TIAM1: variants seen among roughly 807,000 people sequenced by gnomAD.
TIAM1 encodes the protein TIAM Rac1 associated GEF 1, also known as rho guanine nucleotide exchange factor TIAM1.
In TIAM1, 65 loss-of-function variants were observed where a neutral mutation model predicts 163.5. The ratio of observed to expected loss-of-function variants is 0.40; its 90% confidence interval spans 0.33 to 0.49. TIAM1 has a LOEUF of 0.49. Among genes scored for constraint, TIAM1 ranks in the 20% least tolerant of loss-of-function variants. TIAM1 has a pLI of 0.77. For missense variants in TIAM1, 1,789 were observed against 2,044.7 expected, an observed-to-expected ratio of 0.87 and a Z score of 2.41; for synonymous variants, 833 against 810.1, an observed-to-expected ratio of 1.03 and a Z score of -0.48.
intron 2 of TIAM1, among the ~76,000 whole-genome samples, chr21:31,310,689 G>A (rs1046682110): frequency 6.6e-6 from 1 of 152,122 alleles, no homozygotes; most frequent in African/African-American, 2.4e-5. Flanking sequence ...GATGGAAAAC[G>A]CTACCTACTG....
chr21:31,209,324 T>C (rs181311821), intron 11 of TIAM1, among the ~76,000 whole-genome samples: 246 of 152,330 alleles, frequency 1.6e-3, no homozygotes, highest in African/African-American at 5.4e-3. Context: ...AGTTCTTCTT[T>C]CCTCTCTCTC....
chr21:31,406,073 C>T (rs530748935), intron 2 of TIAM1, among the ~76,000 whole-genome samples: 1 of 151,904 alleles, frequency 6.6e-6, no homozygotes, highest in African/African-American at 2.4e-5. Context: ...GATACACAAA[C>T]GTGCAAGCCC....
At chr21:31,349,518 A>G (rs1184298292) in intron 2 of TIAM1, among the ~76,000 whole-genome samples, 1 of 152,202 alleles carries the variant, frequency 6.6e-6, no homozygotes, top group Non-Finnish European at 1.5e-5. Context: ...AGTTTTTCCT[A>G]GTTTGGGACC....
chr21:31,174,636 T>C (rs982454981), intron 15 of TIAM1, among the ~76,000 whole-genome samples: 2 of 152,212 alleles, frequency 1.3e-5, no homozygotes, highest in African/African-American at 4.8e-5. Context: ...TTTTTAAAAT[T>C]GTTACCTTTT....
intron 1 of TIAM1, among the ~76,000 whole-genome samples, chr21:31,495,486 A>G (rs2046609155): frequency 1.3e-5 from 2 of 152,188 alleles, no homozygotes; most frequent in South Asian, 2.1e-4. Context: ...CATTCACGAC[A>G]GAGGAGCCTC....
At chr21:31,517,629 G>A (rs1401761801) in intron 1 of TIAM1, among the ~76,000 whole-genome samples, 1 of 152,142 alleles carries the variant, frequency 6.6e-6, no homozygotes, top group Non-Finnish European at 1.5e-5. Flanking sequence ...TACCATGGTA[G>A]AATATGAAAC....
At chr21:31,544,081 G>T (rs1037410650) in intron 1 of TIAM1, among the ~76,000 whole-genome samples, 5 of 152,104 alleles carry the variant, frequency 3.3e-5, no homozygotes, top group Non-Finnish European at 7.3e-5. Flanking sequence ...ATGGTGGCAA[G>T]TGCCTGTAAT....
intron 2 of TIAM1, among the ~76,000 whole-genome samples, chr21:31,320,772 T>TC (rs2075284407): frequency 1.3e-5 from 2 of 152,190 alleles, no homozygotes; most frequent in African/African-American, 4.8e-5. Flanking sequence ...AGCAGGCGGA[T>TC]CACTTGATGC....
At chr21:31,369,515 T>C (rs1281018363) in intron 2 of TIAM1, among the ~76,000 whole-genome samples, 1 of 152,180 alleles carries the variant, frequency 6.6e-6, no homozygotes, top group Non-Finnish European at 1.5e-5. Context: ...GTGACTACAG[T>C]TAACAATAAT....
chr21:31,377,033 C>CTTTTTTTTTTTTT, intron 2 of TIAM1, among the ~76,000 whole-genome samples: 1 of 80,950 alleles, frequency 1.2e-5, no homozygotes, highest in Non-Finnish European at 2.3e-5. Context: ...TCATTTTTGT[C>CTTTTTTTTTTTTT]TTTTTTTTTT....
chr21:31,118,690 A>G lies in TIAM1; in HGVS notation c.*1678T>C. On this transcript the variant is annotated 3_prime_UTR_variant, in exon 28 of 28. Coordinates refer to ENST00000541036, the MANE Select transcript of TIAM1 (RefSeq NM_001353694.2). ...TTCCATCTGGACGCGATCGAACCGG[A>G]GATGATATGGAAAAATGCAGTGATA... The G allele has an allele frequency of 2.1e-6, 1 of 469,370 alleles. No homozygotes were observed. The highest frequency in any genetic ancestry group is 4.4e-6 in the Non-Finnish European group (1 of 226,616). 29.1% of individuals were successfully genotyped at this position (469,370 alleles called of 1,614,324 possible). A position where few individuals can be genotyped will look rare whatever the true frequency, so the allele number is the denominator to read the frequency against.
chr21:31,152,620 G>A lies in TIAM1; in HGVS notation c.3366+16C>T, dbSNP rs2083434176. 1.2e-6 allele frequency: 2 copies of A among 1,613,660 alleles called. No individual in the cohort carries two copies. The highest frequency in any genetic ancestry group is 2.2e-5 in the South Asian group (2 of 90,984). ...CACTATAGCCCTGACGCTGGAGGCA[G>A]CTTTGCACTATTTACCTTAAATTGA... On this transcript the variant is annotated intron_variant, in intron 19 of 27. Coordinates refer to ENST00000541036, the MANE Select transcript of TIAM1 (RefSeq NM_001353694.2).
chr21:31,543,338 C>T (rs1601042911), intron 1 of TIAM1, among the ~76,000 whole-genome samples: 9 of 152,252 alleles, frequency 5.9e-5, no homozygotes, highest in Admixed American at 5.9e-4. Flanking sequence ...GCGCGTCATG[C>T]GTGCGTACAG....
At chr21:31,257,133 A>G (rs2072158515) in intron 4 of TIAM1, among the ~76,000 whole-genome samples, 1 of 152,256 alleles carries the variant, frequency 6.6e-6, no homozygotes, top group Non-Finnish European at 1.5e-5. Flanking sequence ...ATTATAAATT[A>G]GTAACTACTG....
At chr21:31,506,179 C>G (rs1169356971) in intron 1 of TIAM1, among the ~76,000 whole-genome samples, 2 of 151,768 alleles carry the variant, frequency 1.3e-5, no homozygotes, top group East Asian at 2.0e-4. Context: ...AAATCAGCCA[C>G]CTACACAGGC....
chr21:31,477,036 T>C (rs762393882), intron 1 of TIAM1, among the ~76,000 whole-genome samples: 1 of 152,140 alleles, frequency 6.6e-6, no homozygotes, highest in African/African-American at 2.4e-5. Context: ...CTGACTTCCT[T>C]AGAGCACATG....
chr21:31,377,183 CTTTTTTTTT>C (rs10585362), intron 2 of TIAM1, among the ~76,000 whole-genome samples: 1 of 140,428 alleles, frequency 7.1e-6, no homozygotes, highest in Non-Finnish European at 1.5e-5. Flanking sequence ...CTGGCTGAAA[CTTTTTTTTT>C]TTTTTTTTTT....
intron 2 of TIAM1, among the ~76,000 whole-genome samples, chr21:31,400,286 C>G (rs570708329): frequency 6.6e-6 from 1 of 152,050 alleles, no homozygotes; most frequent in African/African-American, 2.4e-5. Context: ...ACCACCACAC[C>G]CGGCAAATTA....
chr21:31,204,948 C>T lies in TIAM1; in HGVS notation c.2389-1936G>A, dbSNP rs79271235. Among the ~76,000 whole-genome samples the T allele has an allele frequency of 2.3e-3, 346 of 152,292 alleles. 2 individuals are homozygous for T. The highest frequency in any genetic ancestry group is 0.017 in the Middle Eastern group (5 of 294). On this transcript the variant is annotated intron_variant, in intron 11 of 27. Coordinates refer to ENST00000541036, the MANE Select transcript of TIAM1 (RefSeq NM_001353694.2). ...CACAGATGCCATTCACCGAACATGTCCCAGTGCACCTGGCTTTTGTCCTTT... is the reference window on the plus strand; with the variant it reads ...CACAGATGCCATTCACCGAACATGTTCCAGTGCACCTGGCTTTTGTCCTTT...
Sources: gnomAD v4.1 joint callset for allele counts (sites outside exome capture counted in the v4.1 genomes callset) on GRCh38, gnomAD v4.1.1 for gene constraint, MANE v1.5 for transcripts, NCBI Gene and HGNC (gene_info 2026-07-23, HGNC 2026-07-21) for gene names.